The following SPANXN2 variants were observed in gnomAD, a reference collection of about 807,000 sequenced individuals.
SPANXN2 encodes the protein SPANX family member N2, also known as sperm protein associated with the nucleus on the X chromosome N2.
Under a neutral mutation model 2.0 loss-of-function variants are expected in SPANXN2, and 1 was observed. That is an observed-to-expected ratio of 0.50 (90% CI 0.18 to 2.36). The LOEUF (loss-of-function observed/expected upper bound fraction) is 2.36. Among genes scored for constraint, SPANXN2 ranks in the 30% most tolerant of loss-of-function variants. The probability of loss-of-function intolerance (pLI) is 0.26; values close to 1 mark genes in which losing one functional copy is unlikely to be tolerated. For missense variants in SPANXN2, 88 were observed against 116.7 expected (o/e 0.75, Z 1.13); for synonymous variants, 43 against 49.8 (o/e 0.86, Z 0.58).
intron 1 of SPANXN2, among the ~76,000 whole-genome samples, chrX:143,714,455 C>G (rs1282856834): frequency 4.5e-5 from 5 of 111,370 alleles, no homozygotes; most frequent in African/African-American, 9.8e-5. Context: ...TGCCCAGGTC[C>G]ATGAGAACAC....
chrX:143,719,126 A>C (rs113771480), intron 1 of SPANXN2, among the ~76,000 whole-genome samples: 2,068 of 109,140 alleles, frequency 0.019, 62 homozygotes, highest in African/African-American at 0.067. Flanking sequence ...TTCCCCCCCC[A>C]CCAATCCATC....
In SPANXN2 at chrX:143,720,581, A is replaced by G; in HGVS notation, c.78+10T>C. The G allele has an allele frequency of 8.3e-7, 1 of 1,207,416 alleles. No homozygotes were observed. The highest frequency in any genetic ancestry group is 1.1e-6 in the Non-Finnish European group (1 of 893,115). ...ACCCTCACCTTCCCTTCAAAACCTA[A>G]CAATCTTACCTCATCATTTTTTTTG... On this transcript the variant is annotated intron_variant, in intron 1 of 1. Coordinates refer to ENST00000598475, the Ensembl canonical transcript of SPANXN2.
chrX:143,712,897 A>C (rs2124001508), intron 1 of SPANXN2, among the ~76,000 whole-genome samples: 1 of 111,475 alleles, frequency 9.0e-6, no homozygotes, highest in Admixed American at 9.5e-5. Flanking sequence ...CCACTGGAAA[A>C]AGGGCCAAAC....
intron 1 of SPANXN2, among the ~76,000 whole-genome samples, chrX:143,716,482 A>T (rs782095954): frequency 9.0e-6 from 1 of 111,255 alleles, no homozygotes; most frequent in Non-Finnish European, 1.9e-5. Context: ...CCCTGAACCC[A>T]GCTTGCCCCA....
At chrX:143,712,371 C>A in exon 2 of SPANXN2, 1 of 1,212,554 alleles carries the variant, frequency 8.2e-7, no homozygotes, top group Non-Finnish European at 1.1e-6. Flanking sequence ...ACTGGTCCTT[C>A]TCCAGTTGAT....
At chrX:143,712,000 T>G (rs1556448270) in exon 2 of SPANXN2, 3 of 1,209,837 alleles carry the variant, frequency 2.5e-6, no homozygotes, top group Admixed American at 2.2e-5. Context: ...CCATTGGTAG[T>G]GAGGATTTGT....
At chrX:143,716,911 C>A (rs1811857) in intron 1 of SPANXN2, among the ~76,000 whole-genome samples, 40,162 of 110,562 alleles carry the variant, frequency 0.36, 5,736 homozygotes, top group East Asian at 0.59. Context: ...ATTCTCTACC[C>A]AGCCACCCTT....
chrX:143,713,806 C>A (rs1427210035), intron 1 of SPANXN2, among the ~76,000 whole-genome samples: 1 of 111,359 alleles, frequency 9.0e-6, no homozygotes, highest in African/African-American at 3.3e-5. Flanking sequence ...AAACATTCAA[C>A]TTCCAAATTC....
intron 1 of SPANXN2, among the ~76,000 whole-genome samples, chrX:143,719,152 G>A (rs1408352474): frequency 3.6e-5 from 4 of 110,064 alleles, no homozygotes; most frequent in Admixed American, 9.7e-5. Flanking sequence ...CACCCACACC[G>A]TCACACACAG....
intron 1 of SPANXN2, among the ~76,000 whole-genome samples, chrX:143,715,912 T>C (rs1428205323): frequency 9.0e-6 from 1 of 111,537 alleles, no homozygotes; most frequent in Non-Finnish European, 1.9e-5. Flanking sequence ...AAAAGACAAC[T>C]ATTTCACTAT....
intron 1 of SPANXN2, among the ~76,000 whole-genome samples, chrX:143,717,803 T>C (rs1224279861): frequency 1.8e-5 from 2 of 111,726 alleles, no homozygotes; most frequent in East Asian, 5.7e-4. Context: ...TGAGGACACT[T>C]ACTAGGGCAG....
At chrX:143,714,166 C>G (rs1395761385) in intron 1 of SPANXN2, among the ~76,000 whole-genome samples, 1 of 110,147 alleles carries the variant, frequency 9.1e-6, no homozygotes, top group Non-Finnish European at 1.9e-5. Context: ...ACACCCAACC[C>G]CCTTTCGCTA....
At chrX:143,713,778 C>G (rs782624778) in intron 1 of SPANXN2, among the ~76,000 whole-genome samples, 52 of 111,246 alleles carry the variant, frequency 4.7e-4, no homozygotes, top group Non-Finnish European at 7.9e-4. Context: ...AGTATTCACT[C>G]CCCTCTTCCA....
intron 1 of SPANXN2, among the ~76,000 whole-genome samples, chrX:143,713,686 C>T (rs1241854008): frequency 9.0e-6 from 1 of 111,408 alleles, no homozygotes; most frequent in Non-Finnish European, 1.9e-5. Flanking sequence ...ATTCACTTCT[C>T]TCTGGAGTAC....
intron 1 of SPANXN2, among the ~76,000 whole-genome samples, chrX:143,717,780 C>A (rs1231556962): frequency 5.4e-5 from 6 of 111,847 alleles, no homozygotes; most frequent in African/African-American, 1.6e-4. Context: ...TCTCCTTTCC[C>A]ACACACCAGA....
chrX:143,717,159 C>T (rs1303569739), intron 1 of SPANXN2, among the ~76,000 whole-genome samples: 8 of 112,335 alleles, frequency 7.1e-5, no homozygotes, highest in Non-Finnish European at 1.3e-4. Flanking sequence ...ACAGGCAAAG[C>T]TAGTTGCCCT....
chrX:143,719,497 A>G (rs1214973353), intron 1 of SPANXN2, among the ~76,000 whole-genome samples: 1 of 112,156 alleles, frequency 8.9e-6, no homozygotes, highest in Non-Finnish European at 1.9e-5. Context: ...TTGGAAAAAC[A>G]TAAAAGTTAA....
intron 1 of SPANXN2, among the ~76,000 whole-genome samples, chrX:143,715,813 C>A (rs1405296983): frequency 9.0e-6 from 1 of 110,972 alleles, no homozygotes; most frequent in African/African-American, 3.3e-5. Flanking sequence ...TTAACCAGGC[C>A]GTGGTACCAA....
rs1270226313 is a variant in SPANXN2 at position 143,713,227 on chromosome X, G to A, written c.79-728C>T. Among the ~76,000 whole-genome samples the A allele has an allele frequency of 6.3e-5, 7 of 111,387 alleles. No individual in the cohort carries two copies. The East Asian group carries it at 2.0e-3, about 32-fold the overall frequency. The stretch of plus-strand genomic sequence containing the variant: ...CAGCAAGCAGCACAAACTAGACCAG[G>A]GCCTGCTTCCAGATCCTGAGTGTAC... On this transcript the variant is annotated intron_variant, in intron 1 of 1. Coordinates refer to ENST00000598475, the Ensembl canonical transcript of SPANXN2.
Sources: gnomAD v4.1 joint callset for allele counts (sites outside exome capture counted in the v4.1 genomes callset) on GRCh38, gnomAD v4.1.1 for gene constraint, MANE v1.5 for transcripts, NCBI Gene and HGNC (gene_info 2026-07-23, HGNC 2026-07-21) for gene names.